The following SERHL2 variants were observed in gnomAD, a reference collection of about 807,000 sequenced individuals.
SERHL2 encodes serine hydrolase-like protein 2.
Under a neutral mutation model 25.5 loss-of-function variants are expected in SERHL2, and 29 were observed. The observed-to-expected ratio is 1.14, with a 90% confidence interval of 0.85 to 1.55. The LOEUF is 1.55. Ranked by LOEUF, SERHL2 falls within the 40% of genes most tolerant of loss-of-function variation. The pLI is 0.00. For synonymous variants in SERHL2, 95 were observed against 103.5 expected (o/e 0.92, Z 0.50); for missense variants, 240 against 252.3 (o/e 0.95, Z 0.33).
intron 8 of SERHL2, chr22:42,563,538 C>A: frequency 3.2e-6 from 1 of 309,908 alleles, no homozygotes; most frequent in Non-Finnish European, 6.7e-6. Context: ...AAATATCTGG[C>A]CCCTGAAGCC....
intron 11 of SERHL2, chr22:42,573,351 C>T (rs1345579812): frequency 6.6e-6 from 1 of 151,170 alleles, no homozygotes; most frequent in African/African-American, 2.4e-5. Context: ...TCATGCCATT[C>T]TCCTGCCTCA....
intron 11 of SERHL2, chr22:42,572,752 C>G (rs1262117819): frequency 2.0e-6 from 2 of 983,448 alleles, no homozygotes; most frequent in Non-Finnish European, 2.4e-6. Flanking sequence ...GTGGGGAACC[C>G]CTGCCAGGTT....
rs1377154723 is a variant in SERHL2 at position 42,566,600 on chromosome 22, A to C, written c.648+262A>C. Among the ~76,000 whole-genome samples the C allele has an allele frequency of 2.6e-5, 4 of 151,880 alleles. 1 individual carries two copies. The highest frequency in any genetic ancestry group is 5.9e-5 in the Non-Finnish European group (4 of 67,972). On this transcript the variant is annotated intron_variant, in intron 9 of 11. Transcript: ENST00000327678. ...AAATTATATAGCTAACATAATACTT[A>C]ATGATTGTCAATTTAACCGTTTGTA...
chr22:42,570,860 G>A (rs1223882379), intron 9 of SERHL2, among the ~76,000 whole-genome samples: 1 of 152,018 alleles, frequency 6.6e-6, no homozygotes, highest in African/African-American at 2.4e-5. Context: ...CGGTGGCAAA[G>A]GAGTATGGGA....
intron 11 of SERHL2, chr22:42,573,268 G>T (rs1449891498): frequency 6.8e-6 from 1 of 146,820 alleles, no homozygotes; most frequent in Non-Finnish European, 1.5e-5. Flanking sequence ...TTTTGAGATG[G>T]AGTGTCGCTC....
rs1194822216 is a variant in SERHL2 at position 42,559,229 on chromosome 22, T to TAAAAAAAA, written c.533+792_533+799dup. On this transcript the variant is annotated intron_variant, in intron 7 of 11. Coordinates refer to ENST00000327678, the MANE Select transcript of SERHL2 (RefSeq NM_014509.5). ...GAGCGAGATAGCGAGACCCTGTATT[T>TAAAAAAAA]AAAAAAAAAAAAAAAAAAAAAAAAA... is the stretch of plus-strand genomic sequence containing the variant. 5.2e-4 allele frequency among the ~76,000 whole-genome samples: 36 copies of TAAAAAAAA among 69,310 alleles called. 2 individuals carry two copies. In the East Asian group the frequency reaches 0.014, roughly 26 times the overall value. 45.5% of individuals were successfully genotyped at this position (69,310 alleles called of 152,430 possible). A position where few individuals can be genotyped will look rare whatever the true frequency, so the allele number is the denominator to read the frequency against.
intron 8 of SERHL2, among the ~76,000 whole-genome samples, chr22:42,565,970 A>G (rs1326129966): frequency 6.6e-6 from 1 of 151,914 alleles, no homozygotes; most frequent in African/African-American, 2.4e-5. Context: ...GCTTCTTCCT[A>G]GTGACTAAAG....
At chr22:42,571,360 G>C in intron 10 of SERHL2, 157 bp downstream of exon 10, 1 of 1,464,356 alleles carries the variant, frequency 6.8e-7, no homozygotes, top group South Asian at 1.4e-5. Context: ...TGGCAGCAGG[G>C]TCATGGAAGG....
intron 9 of SERHL2, 47 bp downstream of exon 9, chr22:42,566,385 C>G: frequency 6.3e-7 from 1 of 1,596,026 alleles, no homozygotes; most frequent in Non-Finnish European, 8.6e-7. Flanking sequence ...TGCCTGTTAG[C>G]GTCTTTGTCG....
chr22:42,573,760 G>C (rs1444891813), intron 11 of SERHL2, 176 bp from the exon 12 acceptor site: 1 of 707,680 alleles, frequency 1.4e-6, no homozygotes, highest in Non-Finnish European at 2.5e-6. Context: ...GACACCTCCT[G>C]GGGTGCTATG....
At chr22:42,565,841 T>C (rs1218999052) in intron 8 of SERHL2, among the ~76,000 whole-genome samples, 1 of 151,796 alleles carries the variant, frequency 6.6e-6, no homozygotes. Context: ...CATATATGTA[T>C]GGTTTTTTAG....
chr22:42,561,888 C>G (rs1047499619), intron 8 of SERHL2, among the ~76,000 whole-genome samples: 5 of 151,722 alleles, frequency 3.3e-5, no homozygotes, highest in Admixed American at 3.3e-4. Flanking sequence ...ACATGCCTCA[C>G]GGATGGCTGA....
rs768465036 is a variant in SERHL2, at chr22:42,554,075, C to T, written c.22+33C>T. The T allele has an allele frequency of 5.1e-5, 82 of 1,610,650 alleles. 1 individual carries two copies. The highest frequency in any genetic ancestry group is 1.7e-4 in the Middle Eastern group (1 of 6,030). ...GGGGAGGCCTTGTGCGAGCGTCCCA[C>T]TGCCCACCCACCTGGTTGGGACAGT... On this transcript the variant is annotated intron_variant, in intron 1 of 11. Coordinates refer to ENST00000327678, the MANE Select transcript of SERHL2 (RefSeq NM_014509.5).
chr22:42,553,962 C>G lies in SERHL2; in HGVS notation c.-59C>G, dbSNP rs576266190. 8 of 1,604,968 alleles carry G rather than the reference C, an allele frequency of 5.0e-6. No individual in the cohort carries two copies. Among genetic ancestry groups the G allele is most frequent in the Non-Finnish European group, 6.8e-6 (8 of 1,173,580 alleles). On this transcript the variant is annotated 5_prime_UTR_variant, in exon 1 of 12. Coordinates refer to ENST00000327678, the MANE Select transcript of SERHL2 (RefSeq NM_014509.5). ...GCCCGGAATTGCGGGCGTCACTCTG[C>G]TCCTGCGACCTAGCCAGGCGTGAGG... is the stretch of plus-strand genomic sequence containing the variant.
At chr22:42,568,346 A>ACAGCTCGTTATTC (rs137042) in intron 9 of SERHL2, among the ~76,000 whole-genome samples, 1 of 141,982 alleles carries the variant, frequency 7.0e-6, no homozygotes, top group Admixed American at 7.0e-5. Context: ...TTCTAGATGA[A>ACAGCTCGTTATTC]CAATACCAGC....
intron 7 of SERHL2, among the ~76,000 whole-genome samples, chr22:42,559,807 G>T (rs933658387): frequency 1.4e-5 from 2 of 147,710 alleles, no homozygotes; most frequent in Admixed American, 6.6e-5. Context: ...CCATTTTTTT[G>T]TTGTTGTTGT....
At chr22:42,559,804 T>G (rs922232337) in intron 7 of SERHL2, among the ~76,000 whole-genome samples, 18 of 151,820 alleles carry the variant, frequency 1.2e-4, no homozygotes, top group Non-Finnish European at 1.9e-4. Flanking sequence ...TCTCCATTTT[T>G]TTGTTGTTGT....
chr22:42,560,836 A>G (rs527763303), intron 8 of SERHL2, among the ~76,000 whole-genome samples: 9 of 152,032 alleles, frequency 5.9e-5, no homozygotes, highest in Non-Finnish European at 1.2e-4. Context: ...CCCGGGCTCC[A>G]GAGATCGTCC....
At position 42,571,210 on chromosome 22, in the gene SERHL2, C is replaced by T; in HGVS notation, c.731+7C>T. On this transcript the variant is annotated splice_region_variant and intron_variant, in intron 10 of 11. Transcript: ENST00000327678. ...CCCATGTCCTGTTGATCAAGTAAGTCTGGACCCATCCCCTTCAGCCACCCG... is the reference window on the plus strand; with the variant it reads ...CCCATGTCCTGTTGATCAAGTAAGTTTGGACCCATCCCCTTCAGCCACCCG... 2.5e-6 allele frequency: 4 copies of T among 1,612,762 alleles called. No individual in the cohort carries two copies. The highest frequency in any genetic ancestry group is 3.4e-6 in the Non-Finnish European group (4 of 1,179,282).
Sources: allele counts gnomAD v4.1 joint callset (sites outside exome capture counted in the v4.1 genomes callset), GRCh38; gene constraint gnomAD v4.1.1; transcripts MANE v1.5; gene names NCBI Gene and HGNC (gene_info 2026-07-23, HGNC 2026-07-21).